The following PPP2R5A variants were observed in gnomAD, a reference collection of about 807,000 sequenced individuals.
PPP2R5A encodes the protein serine/threonine-protein phosphatase 2A 56 kDa regulatory subunit alpha isoform.
In PPP2R5A, 25 loss-of-function variants were observed where a neutral mutation model predicts 64.2. The ratio of observed to expected loss-of-function variants is 0.39; its 90% CI spans 0.28 to 0.54. PPP2R5A has a LOEUF of 0.54. PPP2R5A is among the 20% of genes least tolerant of loss of function. PPP2R5A has a pLI of 0.67. For synonymous variants in PPP2R5A, 198 were observed against 201.2 expected (o/e 0.98, Z 0.13); for missense variants, 425 against 576.3 (o/e 0.74, Z 2.69).
At chr1:212,333,375 A>G in intron 2 of PPP2R5A, 122 bp from the exon 3 acceptor site, 2 of 519,490 alleles carry the variant, frequency 3.8e-6, no homozygotes, top group Non-Finnish European at 6.5e-6. Context: ...AGGTTTACAG[A>G]TTTTGAACTA....
chr1:212,297,825 C>CTTTTTTTTTTTTTTTTTT (rs1368421837), intron 1 of PPP2R5A: 1 of 22,096 alleles, frequency 4.5e-5, no homozygotes, highest in Admixed American at 4.2e-4. Context: ...TTTTTTTTTT[C>CTTTTTTTTTTTTTTTTTT]TTTTTTATTT....
chr1:212,316,613 T>TTTTTTTTTTTTTTTTG (rs1491340211), intron 1 of PPP2R5A, among the ~76,000 whole-genome samples: 2 of 138,850 alleles, frequency 1.4e-5, no homozygotes, highest in Non-Finnish European at 3.1e-5. Flanking sequence ...TTTTTTTTTT[T>TTTTTTTTTTTTTTTTG]AATCTGAAAG....
chr1:212,352,164 C>G (rs1571611603), intron 8 of PPP2R5A, among the ~76,000 whole-genome samples: 1 of 151,676 alleles, frequency 6.6e-6, no homozygotes, highest in Admixed American at 6.6e-5. Context: ...GCTGAGATAA[C>G]AGGCGCCCGA....
chr1:212,287,583 A>G (rs1252236133), intron 1 of PPP2R5A, among the ~76,000 whole-genome samples: 1 of 152,198 alleles, frequency 6.6e-6, no homozygotes, highest in African/African-American at 2.4e-5. Context: ...CTGGCTTTTG[A>G]ACAGAGATTT....
chr1:212,347,340 A>C lies in PPP2R5A; in HGVS notation c.705-7A>C. 1.3e-6 allele frequency: 2 copies of C among 1,549,296 alleles called. No individual in the cohort carries two copies. The highest frequency in any genetic ancestry group is 1.8e-6 in the Non-Finnish European group (2 of 1,127,868). On this transcript the variant is annotated splice_polypyrimidine_tract_variant and splice_region_variant and intron_variant, in intron 5 of 12. Transcript: ENST00000261461. ...TTGATTACATCTTGTCTTTATTTTA[A>C]ATTCAGGTTTATATATGAAACAGAA...
chr1:212,354,286 G>A (rs1659940192), intron 8 of PPP2R5A, among the ~76,000 whole-genome samples: 1 of 152,160 alleles, frequency 6.6e-6, no homozygotes, highest in South Asian at 2.1e-4. Context: ...GGGAGGCTGG[G>A]GTAGGGGGAT....
At position 212,358,710 on chromosome 1, in the gene PPP2R5A, T is replaced by C. The variant is rs1660028365; in HGVS notation, c.1251T>C (p.Asn417=). Residue 417 remains asparagine, a synonymous_variant, in exon 12 of 13, where the codon AAT becomes AAC. Transcript: ENST00000261461. ...GGACCATTGTAGCACTGGTATACAA[T>C]GTGCTGAAAACCCTAATGGAAATGA... ...WNPTIVALVY[N]VLKTLMEMNG... 1.2e-6 allele frequency: 2 copies of C among 1,613,410 alleles called. No individual in the cohort carries two copies. The highest frequency in any genetic ancestry group is 1.7e-6 in the Non-Finnish European group (2 of 1,179,526).
Position 212,308,698 on chromosome 1 carries a change from C to A in PPP2R5A, c.182-20437C>A, listed in dbSNP as rs899613546. ...TGCTGGGATTACAGGCCTGAGCCAC[C>A]GCACCTGGCTGTGTGTTGGTACACT... On this transcript the variant is annotated intron_variant, in intron 1 of 12. Coordinates refer to ENST00000261461, the MANE Select transcript of PPP2R5A (RefSeq NM_006243.4). Among the ~76,000 whole-genome samples, 7 of 152,208 alleles carry A rather than the reference C, an allele frequency of 4.6e-5. 1 individual carries two copies. The highest frequency in any genetic ancestry group is 3.9e-4 in the Admixed American group (6 of 15,280).
chr1:212,295,205 A>C (rs776222402), intron 1 of PPP2R5A, among the ~76,000 whole-genome samples: 2 of 152,226 alleles, frequency 1.3e-5, no homozygotes, highest in Non-Finnish European at 2.9e-5. Context: ...ATACTGACAC[A>C]GTAATCCAGA....
chr1:212,315,752 G>A (rs1023970863), intron 1 of PPP2R5A, among the ~76,000 whole-genome samples: 1 of 151,982 alleles, frequency 6.6e-6, no homozygotes, highest in Non-Finnish European at 1.5e-5. Flanking sequence ...CAGATATTGT[G>A]TGTTTTATTT....
Position 212,361,030 on chromosome 1 carries a change from T to C in PPP2R5A, c.*260T>C, listed in dbSNP as rs143560534. The C allele has an allele frequency of 2.0e-4, 52 of 258,792 alleles. No homozygotes were observed. The highest frequency in any genetic ancestry group is 3.6e-4 in the Non-Finnish European group (50 of 137,416). 16.0% of individuals were successfully genotyped at this position (258,792 alleles called of 1,614,324 possible). On this transcript the variant is annotated 3_prime_UTR_variant, in exon 13 of 13. Transcript: ENST00000261461. ...AGAAATGAATGAATTTTATCATCTA[T>C]GATATGAGTGAGATAATTATGGGAG...
intron 12 of PPP2R5A, among the ~76,000 whole-genome samples, chr1:212,359,856 A>G (rs1220728362): frequency 1.3e-5 from 2 of 152,192 alleles, no homozygotes; most frequent in Non-Finnish European, 2.9e-5. Flanking sequence ...TAAGATGACT[A>G]GGATCATAGG....
At chr1:212,341,036 T>C (rs1400047450) in intron 3 of PPP2R5A, among the ~76,000 whole-genome samples, 1 of 152,220 alleles carries the variant, frequency 6.6e-6, no homozygotes, top group African/African-American at 2.4e-5. Context: ...TGATATAGTA[T>C]TGTTTAATAG....
chr1:212,333,676 CTGAG>C (rs1659545917), intron 3 of PPP2R5A, 78 bp downstream of exon 3: 4 of 759,252 alleles, frequency 5.3e-6, no homozygotes, highest in Non-Finnish European at 7.9e-6. Flanking sequence ...CATTTAGATT[CTGAG>C]TGTCTGTGTA....
intron 8 of PPP2R5A, among the ~76,000 whole-genome samples, chr1:212,354,077 A>C (rs1659934277): frequency 6.6e-6 from 1 of 152,118 alleles, no homozygotes; most frequent in Non-Finnish European, 1.5e-5. Context: ...CCAGCTACTC[A>C]GGAGGCTGAG....
chr1:212,326,930 GA>G (rs1279955488), intron 1 of PPP2R5A, among the ~76,000 whole-genome samples: 3 of 152,170 alleles, frequency 2.0e-5, no homozygotes, highest in African/African-American at 7.2e-5. Context: ...ATTGATCAAT[GA>G]AAAGAATGTG....
rs981742117 is a variant in PPP2R5A, at chr1:212,348,002, C to A, written c.765-387C>A. ...AAAATGATTGTGGAGAGAACTACTT[C>A]TTTCACGTTATCCAACAAAGTAAGA... is the stretch of plus-strand genomic sequence containing the variant. On this transcript the variant is annotated intron_variant, in intron 6 of 12. Coordinates refer to ENST00000261461, the MANE Select transcript of PPP2R5A (RefSeq NM_006243.4). Among the ~76,000 whole-genome samples, 4 of 152,304 alleles carry A rather than the reference C, an allele frequency of 2.6e-5. No homozygotes were observed. The East Asian group carries it at 7.7e-4, about 29-fold the overall frequency.
intron 8 of PPP2R5A, 30 bp downstream of exon 8, chr1:212,349,272 G>T: frequency 6.6e-7 from 1 of 1,505,140 alleles, no homozygotes; most frequent in Admixed American, 1.9e-5. Flanking sequence ...TCATGTTTTT[G>T]GTCTGCATTA....
At chr1:212,323,779 ATG>A (rs1191137531) in intron 1 of PPP2R5A, among the ~76,000 whole-genome samples, 2 of 152,196 alleles carry the variant, frequency 1.3e-5, no homozygotes, top group African/African-American at 4.8e-5. Flanking sequence ...TTTTTAAAAA[ATG>A]TGTAACATGG....
Sources: gnomAD v4.1 joint callset for allele counts (sites outside exome capture counted in the v4.1 genomes callset) on GRCh38, gnomAD v4.1.1 for gene constraint, MANE v1.5 for transcripts, NCBI Gene and HGNC (gene_info 2026-07-23, HGNC 2026-07-21) for gene names.